Variants in CEP164 observed in about 807,000 individuals in gnomAD.
The protein encoded by CEP164 is centrosomal protein 164.
Under a neutral mutation model 182.7 loss-of-function variants are expected in CEP164, and 162 were observed. The observed-to-expected ratio is 0.89, with a 90% CI of 0.78 to 1.01. The LOEUF is 1.01. CEP164 is among the 50% of genes least tolerant of loss of function. The pLI is 0.00. For missense variants in CEP164, 1,735 were observed against 1,790.4 expected, an observed-to-expected ratio of 0.97 and a Z score of 0.56; for synonymous variants, 661 against 690.0, an observed-to-expected ratio of 0.96 and a Z score of 0.66.
At chr11:117,356,289 A>T in intron 5 of CEP164, 1 of 1,101,254 alleles carries the variant, frequency 9.1e-7, no homozygotes, top group Non-Finnish European at 1.1e-6. Flanking sequence ...AGGTGGCCGG[A>T]GGGCCTGGGG....
In CEP164 at chr11:117,409,858, C is replaced by T. The variant is rs774641136; in HGVS notation, c.3989C>T (p.Thr1330Met). ...TCAGCCTTATCATCTGCTACACCCA[C>T]GTCCACCCAATGGGCCTGGGATTCA... is the stretch of plus-strand genomic sequence containing the variant. ...RFSALSSATP[T>M]STQWAWDSGQ... Residue 1330 changes from threonine to methionine, a missense_variant, in exon 30 of 33, where the codon ACG becomes ATG. Physicochemically the swap from Thr to Met is moderately conservative, Grantham distance 81. Transcript: ENST00000278935. The surrounding 1 kb of genome is among the most constrained non-coding windows in gnomAD (Gnocchi z 4.4). The T allele has an allele frequency of 1.4e-5, 22 of 1,613,614 alleles. No homozygotes were observed. Among genetic ancestry groups the T allele is most frequent in the East Asian group, 4.5e-5 (2 of 44,848 alleles).
intron 8 of CEP164, among the ~76,000 whole-genome samples, chr11:117,368,948 T>G (rs1301133493): frequency 1.3e-5 from 2 of 152,230 alleles, no homozygotes; most frequent in Non-Finnish European, 2.9e-5. Flanking sequence ...CTTTCCCTTC[T>G]GCACTTCTTT....
chr11:117,411,416 T>C lies in CEP164; in HGVS notation c.4164-379T>C, dbSNP rs2047345369. ...ATTCCTTGCCAAATGTTTTCCCCTC[T>C]CCCTCCCTTAGGCAGCTAACAGTGA... On this transcript the variant is annotated intron_variant, in intron 31 of 32. Transcript: ENST00000278935. The surrounding 1 kb of genome is among the most constrained non-coding windows in gnomAD (Gnocchi z 4.4). 2 of 260,204 alleles carry C rather than the reference T, an allele frequency of 7.7e-6. No individual in the cohort carries two copies. Among genetic ancestry groups the C allele is most frequent in the Non-Finnish European group, 1.5e-5 (2 of 134,708 alleles). The allele number at this position is 260,204 out of a possible 1,614,324, so 16.1% of individuals were successfully genotyped here.
chr11:117,330,907 G>C (rs1404000955), intron 1 of CEP164, among the ~76,000 whole-genome samples: 1 of 152,228 alleles, frequency 6.6e-6, no homozygotes, highest in Non-Finnish European at 1.5e-5. Context: ...TGAGAAAACT[G>C]AGGCTGTCCA....
intron 28 of CEP164, 50 bp downstream of exon 28, chr11:117,408,082 G>A (rs1031237876): frequency 7.1e-7 from 1 of 1,405,534 alleles, no homozygotes; most frequent in African/African-American, 1.4e-5. Context: ...TTCCTCTTCT[G>A]TTCTTGGGAT....
chr11:117,359,428 A>G, intron 5 of CEP164: 2 of 985,442 alleles, frequency 2.0e-6, no homozygotes, highest in Non-Finnish European at 2.4e-6. Context: ...ATGTTCTACA[A>G]CAGGCCAGAT....
Position 117,412,144 on chromosome 11 carries a change from C to G in CEP164, c.4359C>G (p.Asn1453Lys), listed in dbSNP as rs949005000. ...TGCAGCTGGGCCTTGATGAGCACAACAGAGTGAAGGTGTATCGCTTCTGAG... is the reference window on the plus strand; with the variant it reads ...TGCAGCTGGGCCTTGATGAGCACAAGAGAGTGAAGGTGTATCGCTTCTGAG... ...SLLQLGLDEHNRVKVYRF is the reference protein window; with the variant it reads ...SLLQLGLDEHKRVKVYRF Residue 1453 changes from asparagine (N) to lysine (K), a missense_variant, in exon 33 of 33, where the codon AAC becomes AAG. Physicochemically the swap from Asn to Lys is moderately conservative, Grantham distance 94 (BLOSUM62 0). Transcript: ENST00000278935. The G allele has an allele frequency of 6.2e-7, 1 of 1,614,074 alleles. No homozygotes were observed. Among genetic ancestry groups the G allele is most frequent in the Non-Finnish European group, 8.5e-7 (1 of 1,180,030 alleles).
At chr11:117,325,345 G>A (rs1165252502), upstream of CEP164, among the ~76,000 whole-genome samples, 6 of 151,638 alleles carry the variant, frequency 4.0e-5, no homozygotes, top group African/African-American at 1.2e-4. Context: ...TCACCCTCCC[G>A]AAGTGCTGGG....
At chr11:117,323,946 G>T, upstream of CEP164, 3 of 309,198 alleles carry the variant, frequency 9.7e-6, no homozygotes, top group African/African-American at 2.2e-5. Flanking sequence ...CCGGTTATTT[G>T]GTTTTTTTTC....
Position 117,336,399 on chromosome 11 carries a change from A to G in CEP164, c.-22+719A>G, listed in dbSNP as rs930978935. The G allele has an allele frequency of 3.6e-6, 5 of 1,403,146 alleles. No individual in the cohort carries two copies. In the African/African-American group the frequency reaches 7.1e-5, roughly 20 times the overall value. The allele number at this position is 1,403,146 out of a possible 1,614,324, so 86.9% of individuals were successfully genotyped here. ...CAGGGGCAGGCGGTGGGTATGGAGG[A>G]AGGTGGGGACCCGAGGATTGGCATC... is the stretch of plus-strand genomic sequence containing the variant. On this transcript the variant is annotated intron_variant, in intron 2 of 32. Transcript: ENST00000278935.
chr11:117,408,772 A>T, intron 28 of CEP164, 118 bp from the exon 29 acceptor site: 1 of 1,333,976 alleles, frequency 7.5e-7, no homozygotes, highest in Non-Finnish European at 1.0e-6. Flanking sequence ...AAACCAGCTT[A>T]AAGACAAAAC....
chr11:117,378,122 G>GC (rs572521294), intron 11 of CEP164, among the ~76,000 whole-genome samples: 1 of 152,040 alleles, frequency 6.6e-6, no homozygotes, highest in African/African-American at 2.4e-5. Context: ...GCCCGCCTTG[G>GC]CCCCCCAAAG....
chr11:117,341,424 A>C (rs1481799332), intron 3 of CEP164, among the ~76,000 whole-genome samples: 1 of 150,842 alleles, frequency 6.6e-6, no homozygotes, highest in Non-Finnish European at 1.5e-5. Context: ...TCTACCAGTC[A>C]CATTGGCCTT....
chr11:117,388,494 G>A (rs2044205925), intron 15 of CEP164, among the ~76,000 whole-genome samples: 1 of 152,208 alleles, frequency 6.6e-6, no homozygotes, highest in Non-Finnish European at 1.5e-5. Context: ...GCCTTTCTGA[G>A]GAATGGGCTC....
At chr11:117,322,336 C>T (rs568300740) in intron 1 of CEP164, among the ~76,000 whole-genome samples, 55 of 152,104 alleles carry the variant, frequency 3.6e-4, no homozygotes, top group African/African-American at 1.3e-3. Context: ...AGGATGGTCT[C>T]GATCTCCTGA....
chr11:117,395,254 GT>G, intron 23 of CEP164, 63 bp downstream of exon 23: 2 of 1,572,112 alleles, frequency 1.3e-6, no homozygotes, highest in Non-Finnish European at 8.7e-7. Context: ...TCTTCTCCCT[GT>G]TCCCCACATT....
chr11:117,394,431 G>C lies in CEP164; in HGVS notation c.2698G>C (p.Glu900Gln). The C allele has an allele frequency of 6.2e-7, 1 of 1,614,088 alleles. No homozygotes were observed. Among genetic ancestry groups the C allele is most frequent in the Non-Finnish European group, 8.5e-7 (1 of 1,180,006 alleles). ...RLQRAHERELETVRQEQHKRL... is the reference protein window; with the variant it reads ...RLQRAHERELQTVRQEQHKRL... ...GCAGAGGGCCCATGAACGAGAACTG[G>C]AGACTGTGAGGCAGGAGCAACACAA... The change falls in exon 21 of 33, where the codon GAG (glutamate) becomes CAG (glutamine). Residue 900 changes from glutamate (E) to glutamine (Q), a missense_variant. Glu to Gln is a conservative substitution (Grantham distance 29). Coordinates refer to ENST00000278935, the MANE Select transcript of CEP164 (RefSeq NM_014956.5). This position sits in a 1 kb window ranked among gnomAD's most constrained non-coding sequence, Gnocchi z 4.0.
rs768274034 is a variant in CEP164 at position 117,409,751 on chromosome 11, C to T, written c.3882C>T (p.Leu1294=). The T allele has an allele frequency of 1.7e-5, 28 of 1,613,928 alleles. No individual in the cohort carries two copies. The East Asian group carries it at 3.6e-4, about 21-fold the overall frequency. The stretch of plus-strand genomic sequence containing the variant: ...ACCCTCAGTCGCCGCCGCCGCTCCT[C>T]GCCTCCATGCCAGCCCAGCTCCCTC... ...SLNPQSPPPL[L]ASMPAQLPPR... is the part of the protein sequence containing the mutation. The change falls in exon 30 of 33, where the codon CTC becomes CTT. Residue 1294 remains leucine (L), a synonymous_variant. Transcript: ENST00000278935. This position sits in a 1 kb window ranked among gnomAD's most constrained non-coding sequence, Gnocchi z 4.4.
At chr11:117,377,517 G>A (rs114258548) in intron 11 of CEP164, among the ~76,000 whole-genome samples, 3,662 of 152,236 alleles carry the variant, frequency 0.024, 134 homozygotes, top group African/African-American at 0.083. Context: ...TGGGGGTGGA[G>A]GGGTCGAGAT....
Sources: allele counts gnomAD v4.1 joint callset (sites outside exome capture counted in the v4.1 genomes callset), GRCh38; gene constraint gnomAD v4.1.1; non-coding constraint Gnocchi (gnomAD v3.1); transcripts MANE v1.5; gene names NCBI Gene and HGNC (gene_info 2026-07-23, HGNC 2026-07-21).